The following OSBPL9 variants were observed in gnomAD, a reference collection of about 807,000 sequenced individuals.
OSBPL9 encodes the protein oxysterol binding protein like 9.
OSBPL9 carries 40 observed loss-of-function variants against 106.6 expected under a neutral mutation model. The observed-to-expected ratio is 0.38, with a 90% confidence interval of 0.29 to 0.49. The LOEUF (loss-of-function observed/expected upper bound fraction) is 0.49, where lower values mean the gene tolerates loss of function less well. Ranked by LOEUF, OSBPL9 falls within the 20% of genes least tolerant of loss-of-function variation. The pLI is 0.97. For synonymous variants in OSBPL9, 269 were observed against 295.4 expected (o/e 0.91, Z 0.92); for missense variants, 609 against 887.2 (o/e 0.69, Z 3.98).
chr1:51,712,661 G>A (rs980735272), intron 3 of OSBPL9, among the ~76,000 whole-genome samples: 2 of 151,992 alleles, frequency 1.3e-5, no homozygotes, highest in African/African-American at 4.8e-5. Context: ...AATAAAAAAG[G>A]AAAAAATTAT....
intron 2 of OSBPL9, among the ~76,000 whole-genome samples, chr1:51,658,275 A>C (rs1646937109): frequency 6.6e-6 from 1 of 152,128 alleles, no homozygotes; most frequent in African/African-American, 2.4e-5. Context: ...CATGCCATTT[A>C]CTCATAGTGT....
the OSBPL9 span, among the ~76,000 whole-genome samples, chr1:51,552,452 T>TA: frequency 2.6e-5 from 4 of 152,328 alleles, no homozygotes; most frequent in East Asian, 7.7e-4. Context: ...TTCATACAGC[T>TA]AATACATAAT....
chr1:51,625,555 C>G (rs1399135643), intron 1 of OSBPL9, among the ~76,000 whole-genome samples: 1 of 150,178 alleles, frequency 6.7e-6, no homozygotes. Context: ...GGGTACTGCT[C>G]TGTCATCCAG....
the OSBPL9 span, among the ~76,000 whole-genome samples, chr1:51,571,187 C>T: frequency 6.6e-6 from 1 of 152,084 alleles, no homozygotes; most frequent in African/African-American, 2.4e-5. Context: ...AGAACAGGTG[C>T]ATCTTTATAT....
In OSBPL9 at chr1:51,785,424, C is replaced by T. The variant is rs1017562603; in HGVS notation, c.1830-384C>T. 13 of 186,086 alleles carry T rather than the reference C, an allele frequency of 7.0e-5. No individual in the cohort carries two copies. In the South Asian group the frequency reaches 1.2e-3, roughly 17 times the overall value. 11.5% of individuals were successfully genotyped at this position (186,086 alleles called of 1,614,324 possible). A position where few individuals can be genotyped will look rare whatever the true frequency, so the allele number is the denominator to read the frequency against. ...TGAAAGCCTGCATTATATTCTTAAG[C>T]AAAGCCTTCCCTGACCCCCAGTGCC... is the stretch of plus-strand genomic sequence containing the variant. On this transcript the variant is annotated intron_variant, in intron 20 of 23. Transcript: ENST00000428468.
At chr1:51,522,465 C>T in the OSBPL9 span, among the ~76,000 whole-genome samples, 2 of 151,950 alleles carry the variant, frequency 1.3e-5, no homozygotes, top group African/African-American at 4.8e-5. Flanking sequence ...GCCAAATTCC[C>T]AAAAAAGGCC....
chr1:51,765,999 A>G lies in OSBPL9; in HGVS notation c.938+18A>G, dbSNP rs1672477472. ...TTAATAGAGTGAGTAGATGAACAGA[A>G]TATGTATTTAAATGATTCTCCTGAT... On this transcript the variant is annotated intron_variant, in intron 12 of 23. Coordinates refer to ENST00000428468, the MANE Select transcript of OSBPL9 (RefSeq NM_024586.6). The G allele has an allele frequency of 6.3e-7, 1 of 1,577,056 alleles. No homozygotes were observed. Among genetic ancestry groups the G allele is most frequent in the Non-Finnish European group, 8.6e-7 (1 of 1,161,244 alleles).
At chr1:51,690,053 TTATATTAATGTATC>T (rs1356113308) in intron 3 of OSBPL9, among the ~76,000 whole-genome samples, 1 of 152,226 alleles carries the variant, frequency 6.6e-6, no homozygotes, top group Non-Finnish European at 1.5e-5. Flanking sequence ...CCTTTCGGTA[TTATATTAATGTATC>T]TTAAAGATTA....
rs543998920 is a variant in OSBPL9 at position 51,590,650 on chromosome 1, A to C, written c.-422-7474A>C. 5.3e-5 allele frequency among the ~76,000 whole-genome samples: 8 copies of C among 151,918 alleles called. No individual in the cohort carries two copies. In the South Asian group the frequency reaches 1.7e-3, roughly 32 times the overall value. ...AAAAAAAAAAAGAAAAAAAAGAAAA[A>C]AAAAGTCACGTTTAGGATTATGTTT... is the stretch of plus-strand genomic sequence containing the variant. On this transcript the variant is annotated intron_variant, in intron 1 of 25. Coordinates refer to the OSBPL9 transcript ENST00000371714.
intron 1 of OSBPL9, among the ~76,000 whole-genome samples, chr1:51,642,106 G>A (rs914486785): frequency 1.3e-5 from 2 of 152,094 alleles, no homozygotes; most frequent in African/African-American, 2.4e-5. Flanking sequence ...TTGGGCAGCC[G>A]ATTTTAATTT....
chr1:51,736,374 T>C (rs1186232733), intron 4 of OSBPL9, among the ~76,000 whole-genome samples: 1 of 152,202 alleles, frequency 6.6e-6, no homozygotes, highest in Non-Finnish European at 1.5e-5. Context: ...GAACAATTGT[T>C]GAGTCTATTC....
At chr1:51,657,921 GACCTCTTCTCTACAA>G (rs1646913147) in intron 2 of OSBPL9, among the ~76,000 whole-genome samples, 1 of 151,820 alleles carries the variant, frequency 6.6e-6, no homozygotes, top group Non-Finnish European at 1.5e-5. Flanking sequence ...AACATAATGA[GACCTCTTCTCTACAA>G]ACAAACAAAA....
chr1:51,669,037 A>T (rs1465701533), intron 2 of OSBPL9, among the ~76,000 whole-genome samples: 1 of 152,212 alleles, frequency 6.6e-6, no homozygotes, highest in African/African-American at 2.4e-5. Context: ...AGCCTGCTGA[A>T]GAGCACCTGC....
chr1:51,529,470 C>G, the OSBPL9 span, among the ~76,000 whole-genome samples: 18 of 151,946 alleles, frequency 1.2e-4, no homozygotes, highest in Admixed American at 1.1e-3. Flanking sequence ...GTCTTGATCT[C>G]CTGACCTCAT....
chr1:51,692,955 G>T (rs1303315825), intron 3 of OSBPL9, among the ~76,000 whole-genome samples: 2 of 152,164 alleles, frequency 1.3e-5, no homozygotes, highest in East Asian at 3.8e-4. Flanking sequence ...TAGGGGGCCA[G>T]GTTTTAGTCT....
At chr1:51,549,429 C>A in the OSBPL9 span, among the ~76,000 whole-genome samples, 1 of 152,328 alleles carries the variant, frequency 6.6e-6, no homozygotes, top group East Asian at 1.9e-4. Flanking sequence ...TACTATGTTC[C>A]AGATCCTGCA....
chr1:51,772,795 G>A, intron 14 of OSBPL9, 72 bp downstream of exon 14: 2 of 991,562 alleles, frequency 2.0e-6, no homozygotes, highest in Non-Finnish European at 3.3e-6. Flanking sequence ...GAGTGTGCCT[G>A]CAAATGTAGT....
At chr1:51,527,160 G>T in the OSBPL9 span, among the ~76,000 whole-genome samples, 1 of 152,158 alleles carries the variant, frequency 6.6e-6, no homozygotes, top group Non-Finnish European at 1.5e-5. Flanking sequence ...CCACTTATAA[G>T]CTACAACACC....
Position 51,719,764 on chromosome 1 carries a change from T to C in OSBPL9, c.318+5685T>C, listed in dbSNP as rs1467954561. ...TAAAGCCAGGTGTAAATTTTTTAGG[T>C]TTAAAATCTTATAGAACTATACATC... is the stretch of plus-strand genomic sequence containing the variant. On this transcript the variant is annotated intron_variant, in intron 4 of 23. Transcript: ENST00000428468. Among the ~76,000 whole-genome samples the C allele has an allele frequency of 2.0e-5, 3 of 152,136 alleles. No individual in the cohort carries two copies. In the East Asian group the frequency reaches 5.8e-4, roughly 29 times the overall value.
Sources: allele counts gnomAD v4.1 joint callset (sites outside exome capture counted in the v4.1 genomes callset), GRCh38; gene constraint gnomAD v4.1.1; transcripts MANE v1.5; gene names NCBI Gene and HGNC (gene_info 2026-07-23, HGNC 2026-07-21).